Variants in ARFGEF2 observed in about 807,000 individuals in gnomAD.
ARFGEF2 encodes ARF guanine nucleotide exchange factor 2, also known as brefeldin A-inhibited guanine nucleotide-exchange protein 2.
ARFGEF2 carries 74 observed loss-of-function variants against 219.9 expected under a neutral mutation model. The observed-to-expected ratio is 0.34, with a 90% CI of 0.28 to 0.41. The LOEUF is 0.41. Ranked by LOEUF, ARFGEF2 falls within the 10% of genes least tolerant of loss-of-function variation. The pLI, the probability that ARFGEF2 is intolerant of heterozygous loss-of-function variation, is 1.00. For synonymous variants in ARFGEF2, 733 were observed against 799.2 expected (o/e 0.92, Z 1.40); for missense variants, 1,743 against 2,218.3 (o/e 0.79, Z 4.30).
At chr20:48,932,044 C>G (rs1372061901) in intron 1 of ARFGEF2, among the ~76,000 whole-genome samples, 1 of 152,076 alleles carries the variant, frequency 6.6e-6, no homozygotes, top group Non-Finnish European at 1.5e-5. Context: ...GTTGCTTGGC[C>G]TAGGGTGATA....
intron 28 of ARFGEF2, 136 bp from the exon 29 acceptor site, chr20:49,013,428 G>A: frequency 9.3e-7 from 1 of 1,080,420 alleles, no homozygotes; most frequent in Non-Finnish European, 1.4e-6. Flanking sequence ...TGTGTAGTCT[G>A]TTCCCACTGT....
In ARFGEF2 at chr20:49,013,648, G is replaced by A. The variant is rs374632843; in HGVS notation, c.4003G>A (p.Glu1335Lys). ...WVRGWFPILF[E>K]LSCIINRCKL... Reference sequence around the variant, plus strand: ...CCGAGGCTGGTTCCCCATCTTATTCGAACTCTCCTGCATCATTAATAGATG... The same window carrying A: ...CCGAGGCTGGTTCCCCATCTTATTCAAACTCTCCTGCATCATTAATAGATG... Residue 1335 changes from glutamate (E) to lysine (K), a missense_variant, in exon 29 of 39, where the codon GAA becomes AAA. By Grantham distance (56) the Glu-to-Lys change is moderately conservative. Coordinates refer to ENST00000371917, the MANE Select transcript of ARFGEF2 (RefSeq NM_006420.3). 32 of 1,613,948 alleles carry A rather than the reference G, an allele frequency of 2.0e-5. No individual in the cohort carries two copies. Among genetic ancestry groups the A allele is most frequent in the Non-Finnish European group, 2.5e-5 (29 of 1,180,024 alleles).
Position 48,935,588 on chromosome 20 carries a change from C to T in ARFGEF2, c.122-5611C>T, listed in dbSNP as rs539881890. Among the ~76,000 whole-genome samples, 16 of 152,364 alleles carry T rather than the reference C, an allele frequency of 1.1e-4. No individual in the cohort carries two copies. The South Asian group carries it at 1.2e-3, about 12-fold the overall frequency. On this transcript the variant is annotated intron_variant, in intron 1 of 38. Coordinates refer to ENST00000371917, the MANE Select transcript of ARFGEF2 (RefSeq NM_006420.3). ...CAAAACCGCCACTGTCATCATGGCC[C>T]GTTCTCAATGAGCTGTTGGGTACAC...
intron 26 of ARFGEF2, among the ~76,000 whole-genome samples, chr20:49,008,416 A>G (rs1394055100): frequency 1.3e-5 from 2 of 151,622 alleles, no homozygotes; most frequent in East Asian, 2.0e-4. Flanking sequence ...TACAAAAATT[A>G]GCCGGGTGTG....
At chr20:48,952,590 A>C in intron 4 of ARFGEF2, 115 bp from the exon 5 acceptor site, 2 of 1,039,096 alleles carry the variant, frequency 1.9e-6, no homozygotes, top group South Asian at 2.7e-5. Flanking sequence ...AATTTATTTG[A>C]AAAAAGCACA....
chr20:48,999,299 A>G (rs2091410381), intron 25 of ARFGEF2: 4 of 437,164 alleles, frequency 9.1e-6, no homozygotes, highest in Middle Eastern at 3.4e-4. Context: ...TCTGGGTTCT[A>G]AAACTGACAA....
rs747264670 is a variant in ARFGEF2, at chr20:49,028,524, C to A, written c.4925-6C>A. The A allele has an allele frequency of 2.5e-6, 4 of 1,613,850 alleles. No homozygotes were observed. The highest frequency in any genetic ancestry group is 3.4e-6 in the Non-Finnish European group (4 of 1,179,868). On this transcript the variant is annotated splice_region_variant and splice_polypyrimidine_tract_variant and intron_variant, in intron 36 of 38. Transcript: ENST00000371917. ...TGCACTAATTATATGACTGTCTGAT[C>A]TCTAGGTTTTAAGGGCAAGTCTAAA...
chr20:49,017,206 A>G (rs774067565), intron 31 of ARFGEF2, 43 bp from the exon 32 acceptor site: 2 of 1,607,736 alleles, frequency 1.2e-6, no homozygotes, highest in Non-Finnish European at 1.7e-6. Context: ...TGGCATCAAA[A>G]TAGCAGTAGA....
At position 48,972,399 on chromosome 20, in the gene ARFGEF2, T is replaced by G; in HGVS notation, c.1499T>G (p.Ile500Ser). The G allele has an allele frequency of 6.2e-7, 1 of 1,614,096 alleles. No individual in the cohort carries two copies. ...TSSFEHRWMV[I>S]QTLTRICADA... ...TCTTTTGAGCACAGGTGGATGGTCA[T>G]TCAGACTCTGACGAGGATCTGTGCA... The change falls in exon 11 of 39, where the codon ATT becomes AGT. Residue 500 changes from isoleucine (I) to serine (S), a missense_variant. By Grantham distance (142) the Ile-to-Ser change is moderately radical. Transcript: ENST00000371917.
chr20:48,923,095 T>G (rs1427890688), intron 1 of ARFGEF2, among the ~76,000 whole-genome samples: 1 of 152,048 alleles, frequency 6.6e-6, no homozygotes, highest in Non-Finnish European at 1.5e-5. Context: ...AGGGTGACAC[T>G]TGAGCTGAAT....
chr20:48,951,019 A>C (rs570480616), intron 3 of ARFGEF2, among the ~76,000 whole-genome samples: 1 of 151,702 alleles, frequency 6.6e-6, no homozygotes, highest in Non-Finnish European at 1.5e-5. Context: ...GACAACCACT[A>C]ATCTCTCTGT....
chr20:49,018,402 A>C (rs867045593), intron 33 of ARFGEF2, among the ~76,000 whole-genome samples: 6 of 151,852 alleles, frequency 4.0e-5, no homozygotes, highest in African/African-American at 1.2e-4. Flanking sequence ...TGTCCAGCTA[A>C]TTTTTGTATT....
intron 31 of ARFGEF2, among the ~76,000 whole-genome samples, chr20:49,016,728 A>C (rs2091533435): frequency 6.6e-6 from 1 of 152,160 alleles, no homozygotes; most frequent in Non-Finnish European, 1.5e-5. Flanking sequence ...GTATTGTTTC[A>C]GTCAAGATCA....
At chr20:48,982,061 T>G (rs1046921489) in intron 14 of ARFGEF2, among the ~76,000 whole-genome samples, 1 of 152,106 alleles carries the variant, frequency 6.6e-6, no homozygotes, top group Non-Finnish European at 1.5e-5. Context: ...GGAAAAGAGG[T>G]GCTCTGGTTT....
intron 26 of ARFGEF2, among the ~76,000 whole-genome samples, chr20:49,008,123 C>T (rs962619046): frequency 2.0e-5 from 3 of 152,094 alleles, no homozygotes; most frequent in African/African-American, 4.8e-5. Context: ...CTGTAATTCT[C>T]CAAAGCAGTT....
intron 14 of ARFGEF2, among the ~76,000 whole-genome samples, chr20:48,982,879 C>T (rs973684601): frequency 1.3e-5 from 2 of 152,172 alleles, no homozygotes; most frequent in Non-Finnish European, 2.9e-5. Flanking sequence ...AGGAGTGTCC[C>T]GATTTTCCAG....
At chr20:48,985,781 C>T (rs1172754618) in intron 16 of ARFGEF2, among the ~76,000 whole-genome samples, 168 bp downstream of exon 16, 1 of 152,198 alleles carries the variant, frequency 6.6e-6, no homozygotes, top group East Asian at 1.9e-4. Flanking sequence ...TAAGACCTCA[C>T]AGCAACCTGT....
chr20:48,982,543 A>T (rs993074644), intron 14 of ARFGEF2, among the ~76,000 whole-genome samples: 1 of 152,110 alleles, frequency 6.6e-6, no homozygotes, highest in African/African-American at 2.4e-5. Context: ...TCAGACAGGG[A>T]TGTTTAAGTC....
intron 1 of ARFGEF2, among the ~76,000 whole-genome samples, chr20:48,935,379 A>G (rs982327139): frequency 3.3e-5 from 5 of 152,156 alleles, no homozygotes; most frequent in African/African-American, 1.2e-4. Context: ...GAGTGGATAC[A>G]GCACATGTTT....
Sources: gnomAD v4.1 joint callset for allele counts (sites outside exome capture counted in the v4.1 genomes callset) on GRCh38, gnomAD v4.1.1 for gene constraint, MANE v1.5 for transcripts, NCBI Gene and HGNC (gene_info 2026-07-23, HGNC 2026-07-21) for gene names.